The following TARBP1 variants were observed in gnomAD, a reference collection of about 807,000 sequenced individuals.
The protein encoded by TARBP1 is tRNA (guanosine(18)-2'-O)-methyltransferase TARBP1.
In TARBP1, 144 loss-of-function variants were observed where a neutral mutation model predicts 178.6. The observed-to-expected ratio is 0.81, with a 90% CI of 0.70 to 0.93. The LOEUF (loss-of-function observed/expected upper bound fraction) is 0.93, where lower values mean the gene tolerates loss of function less well. Among genes scored for constraint, TARBP1 ranks in the 40% least tolerant of loss-of-function variants. The pLI is 0.00. For missense variants in TARBP1, 2,067 were observed against 2,011.7 expected (o/e 1.03, Z -0.53); for synonymous variants, 787 against 781.0 (o/e 1.01, Z -0.13).
Position 234,472,763 on chromosome 1 carries a change from T to C in TARBP1, c.980A>G (p.Lys327Arg). Residue 327 changes from lysine (K) to arginine (R), a missense_variant, in exon 2 of 30, where the codon AAG becomes AGG. Lys to Arg is a conservative substitution (Grantham distance 26). Transcript: ENST00000040877. ...WSERKKDELL[K>R]FWENYILIME... ...AATTAAAATATAATTTTCCCAAAAC[T>C]TTAGAAGCTCATCTTTTTTCCTCTC... 3.1e-6 allele frequency: 5 copies of C among 1,604,698 alleles called. No homozygotes were observed. The highest frequency in any genetic ancestry group is 4.2e-6 in the Non-Finnish European group (5 of 1,177,754).
At chr1:234,432,666 C>T (rs562368078) in intron 14 of TARBP1, among the ~76,000 whole-genome samples, 76 of 152,144 alleles carry the variant, frequency 5.0e-4, no homozygotes, top group African/African-American at 1.7e-3. Flanking sequence ...TCATTCTCCA[C>T]GGAGGGACCA....
At chr1:234,449,860 T>C (rs570303660) in intron 10 of TARBP1, among the ~76,000 whole-genome samples, 1 of 152,074 alleles carries the variant, frequency 6.6e-6, no homozygotes, top group South Asian at 2.1e-4. Flanking sequence ...GAATCCTAAT[T>C]AATGAATCTG....
chr1:234,419,040 T>TGC (rs1662769411), intron 21 of TARBP1, among the ~76,000 whole-genome samples: 1 of 151,690 alleles, frequency 6.6e-6, no homozygotes, highest in Non-Finnish European at 1.5e-5. Flanking sequence ...GGTGAGGTGG[T>TGC]GGGCGCCTGT....
Position 234,471,239 on chromosome 1 carries a change from C to T in TARBP1, c.1048G>A (p.Val350Ile). 1 of 1,597,554 alleles carries T rather than the reference C, an allele frequency of 6.3e-7. No individual in the cohort carries two copies. Among genetic ancestry groups the T allele is most frequent in the African/African-American group, 1.3e-5 (1 of 74,164 alleles). The change falls in exon 3 of 30, where the codon GTT becomes ATT. Residue 350 changes from valine (V) to isoleucine (I), a missense_variant. Transcript: ENST00000040877. ...AACAGATTGTTTAGCTTTGGTAAAA[C>T]TGGCTTTATAACATGTATCTAAAAA... ...EGNQIHVIKPVLPKLNNLFEY... is the reference protein window; with the variant it reads ...EGNQIHVIKPILPKLNNLFEY...
chr1:234,449,068 G>A (rs1666469138), intron 10 of TARBP1, among the ~76,000 whole-genome samples: 1 of 152,132 alleles, frequency 6.6e-6, no homozygotes, highest in African/African-American at 2.4e-5. Flanking sequence ...TAGACAGAAG[G>A]AAGAGCACAT....
At chr1:234,461,602 C>T (rs574086220) in intron 6 of TARBP1, among the ~76,000 whole-genome samples, 3 of 152,204 alleles carry the variant, frequency 2.0e-5, no homozygotes, top group East Asian at 1.9e-4. Context: ...CCACCACACC[C>T]GGCCAGTAAA....
chr1:234,421,932 T>C (rs1352623837), intron 20 of TARBP1, among the ~76,000 whole-genome samples: 2 of 152,234 alleles, frequency 1.3e-5, no homozygotes, highest in African/African-American at 4.8e-5. Flanking sequence ...CTCTGCATTT[T>C]AGTGTATATA....
At chr1:234,394,579 A>G (rs10910426) in intron 26 of TARBP1, among the ~76,000 whole-genome samples, 73,543 of 152,158 alleles carry the variant, frequency 0.48, 18,321 homozygotes, top group African/African-American at 0.58. Flanking sequence ...GGGGTTACTA[A>G]TGTCTAGGGG....
intron 3 of TARBP1, among the ~76,000 whole-genome samples, chr1:234,469,614 T>C (rs1668843811): frequency 6.6e-6 from 1 of 152,224 alleles, no homozygotes; most frequent in Non-Finnish European, 1.5e-5. Context: ...TGTAATTATC[T>C]AGAGTAGGCA....
intron 29 of TARBP1, 150 bp downstream of exon 29, chr1:234,392,266 G>A (rs1659453928): frequency 2.1e-6 from 2 of 951,870 alleles, no homozygotes; most frequent in Admixed American, 2.5e-5. Context: ...AGCCAATGAG[G>A]CAGAGGTTGT....
At position 234,393,681 on chromosome 1, in the gene TARBP1, A is replaced by G; in HGVS notation, c.4400T>C (p.Val1467Ala). ...GGTCGGTTTGTCGATGAGCGAGGCC[A>G]CAACGATGAGTCTACTAATTGACTT... ...LGKSISRLIV[V>A]ASLIDKPTNL... is the part of the protein sequence containing the mutation. Residue 1467 changes from valine (V) to alanine (A), a missense_variant, in exon 27 of 30, where the codon GTG (valine) becomes GCG (alanine). Physicochemically the swap from Val to Ala is moderately conservative, Grantham distance 64. Transcript: ENST00000040877. 2 of 1,613,866 alleles carry G rather than the reference A, an allele frequency of 1.2e-6. No individual in the cohort carries two copies. The highest frequency in any genetic ancestry group is 1.7e-6 in the Non-Finnish European group (2 of 1,179,854).
intron 28 of TARBP1, 36 bp from the exon 29 acceptor site, chr1:234,392,588 C>T (rs911064885): frequency 1.2e-6 from 2 of 1,603,566 alleles, no homozygotes; most frequent in Admixed American, 1.7e-5. Flanking sequence ...AATATTCATT[C>T]AGTTATAGCC....
intron 23 of TARBP1, 59 bp from the exon 24 acceptor site, chr1:234,406,158 T>C: frequency 3.4e-6 from 5 of 1,491,030 alleles, no homozygotes; most frequent in Non-Finnish European, 4.6e-6. Context: ...TACTCTCACT[T>C]GTATGACACA....
chr1:234,404,843 AT>A (rs1661049783), intron 24 of TARBP1, among the ~76,000 whole-genome samples: 1 of 151,862 alleles, frequency 6.6e-6, no homozygotes, highest in East Asian at 1.9e-4. Flanking sequence ...ATTTATTTGT[AT>A]TTATCAAATA....
At chr1:234,426,559 A>G (rs181844276) in intron 19 of TARBP1, among the ~76,000 whole-genome samples, 21 of 152,340 alleles carry the variant, frequency 1.4e-4, no homozygotes, top group Non-Finnish European at 5.9e-5. Context: ...CTTTCAGAAT[A>G]ATAAATACTT....
chr1:234,452,591 G>GT (rs1290219911), intron 9 of TARBP1, among the ~76,000 whole-genome samples: 1 of 152,170 alleles, frequency 6.6e-6, no homozygotes, highest in Non-Finnish European at 1.5e-5. Context: ...ATGTGGGGCA[G>GT]TAAGAACTCT....
chr1:234,438,756 C>T (rs1665289705), intron 12 of TARBP1, among the ~76,000 whole-genome samples: 1 of 152,108 alleles, frequency 6.6e-6, no homozygotes, highest in Admixed American at 6.5e-5. Flanking sequence ...CTTTCCAAAT[C>T]TGATAAAGGG....
intron 14 of TARBP1, among the ~76,000 whole-genome samples, chr1:234,433,066 G>A (rs1325688824): frequency 2.0e-5 from 3 of 151,996 alleles, no homozygotes; most frequent in South Asian, 2.1e-4. Flanking sequence ...GGTAAAACCC[G>A]TCTCCACTAA....
At position 234,392,276 on chromosome 1, in the gene TARBP1, T is replaced by C. The variant is rs899558602; in HGVS notation, c.4697+140A>G. 1.9e-5 allele frequency: 20 copies of C among 1,042,952 alleles called. No individual in the cohort carries two copies. The African/African-American group carries it at 3.2e-4, about 17-fold the overall frequency. The allele number at this position is 1,042,952 out of a possible 1,614,324, so 64.6% of individuals were successfully genotyped here. ...GCTTGAGCCAATGAGGCAGAGGTTGTAGTGAGCCGAGATTGTGCCACTACA... is the reference window on the plus strand; with the variant it reads ...GCTTGAGCCAATGAGGCAGAGGTTGCAGTGAGCCGAGATTGTGCCACTACA... On this transcript the variant is annotated intron_variant, in intron 29 of 29. Coordinates refer to ENST00000040877, the MANE Select transcript of TARBP1 (RefSeq NM_005646.4).
Sources: gnomAD v4.1 joint callset for allele counts (sites outside exome capture counted in the v4.1 genomes callset) on GRCh38, gnomAD v4.1.1 for gene constraint, MANE v1.5 for transcripts, NCBI Gene and HGNC (gene_info 2026-07-23, HGNC 2026-07-21) for gene names.